The following SPTLC2 variants were observed in gnomAD, a reference collection of about 807,000 sequenced individuals.
SPTLC2 encodes serine palmitoyltransferase long chain base subunit 2, also known as serine palmitoyltransferase 2.
SPTLC2 carries 21 observed loss-of-function variants against 62.0 expected under a neutral mutation model. That is an observed-to-expected ratio of 0.34 (90% CI 0.24 to 0.49). SPTLC2 has a LOEUF of 0.49. Among genes scored for constraint, SPTLC2 ranks in the 20% least tolerant of loss-of-function variants. The pLI, the probability that SPTLC2 is intolerant of heterozygous loss-of-function variation, is 0.99. For synonymous variants in SPTLC2, 261 were observed against 261.8 expected (o/e 1.00, Z 0.03); for missense variants, 511 against 713.0 (o/e 0.72, Z 3.23).
intron 2 of SPTLC2, among the ~76,000 whole-genome samples, chr14:77,591,670 G>C (rs960371368): frequency 1.3e-5 from 2 of 148,418 alleles, no homozygotes; most frequent in African/African-American, 2.5e-5. Flanking sequence ...AGATGATTCT[G>C]GGGGAGCTAA....
chr14:77,574,213 A>C (rs942798971), intron 4 of SPTLC2, among the ~76,000 whole-genome samples: 2 of 152,022 alleles, frequency 1.3e-5, no homozygotes, highest in African/African-American at 4.8e-5. Flanking sequence ...GAAGAAGGTC[A>C]TATCTATGCC....
At chr14:77,578,230 A>C (rs2079727907) in intron 3 of SPTLC2, among the ~76,000 whole-genome samples, 1 of 152,200 alleles carries the variant, frequency 6.6e-6, no homozygotes, top group African/African-American at 2.4e-5. Context: ...TGTAAGTAAA[A>C]ACACTCTACA....
intron 1 of SPTLC2, among the ~76,000 whole-genome samples, chr14:77,599,489 G>A (rs1294871405): frequency 6.6e-6 from 1 of 152,214 alleles, no homozygotes; most frequent in Non-Finnish European, 1.5e-5. Flanking sequence ...TTGGAAAGCT[G>A]CTTCAGTGTT....
intron 2 of SPTLC2, among the ~76,000 whole-genome samples, chr14:77,580,923 C>G (rs1025579179): frequency 4.6e-5 from 7 of 152,204 alleles, no homozygotes; most frequent in African/African-American, 1.7e-4. Flanking sequence ...AGGAACTTAA[C>G]CCTTCCTCTG....
chr14:77,552,695 A>T (rs1244113057), intron 8 of SPTLC2, among the ~76,000 whole-genome samples: 2 of 151,808 alleles, frequency 1.3e-5, no homozygotes, highest in African/African-American at 4.8e-5. Flanking sequence ...AATCCCAGCT[A>T]CTTGGGAGGC....
At chr14:77,580,554 GA>G (rs11322822) in intron 2 of SPTLC2, among the ~76,000 whole-genome samples, 30,608 of 129,086 alleles carry the variant, frequency 0.24, 3,460 homozygotes, top group East Asian at 0.56. Flanking sequence ...TTTTAAAAAA[GA>G]AAAAAAAAAA....
intron 1 of SPTLC2, among the ~76,000 whole-genome samples, chr14:77,597,728 C>T (rs111790398): frequency 4.0e-5 from 6 of 150,392 alleles, no homozygotes; most frequent in African/African-American, 1.5e-4. Flanking sequence ...AAGCCAAGAT[C>T]ACGCCACTGC....
At chr14:77,615,060 T>G (rs535918391) in intron 1 of SPTLC2, among the ~76,000 whole-genome samples, 70 of 152,288 alleles carry the variant, frequency 4.6e-4, no homozygotes, top group African/African-American at 1.7e-3. Context: ...CCCGTTAAAT[T>G]TCCCTATTAC....
chr14:77,585,347 C>G (rs1298463894), intron 2 of SPTLC2, among the ~76,000 whole-genome samples: 1 of 152,168 alleles, frequency 6.6e-6, no homozygotes, highest in Non-Finnish European at 1.5e-5. Context: ...AATGCAGTGA[C>G]AAAGCCAAAA....
At chr14:77,561,427 C>G (rs906986938) in intron 6 of SPTLC2, among the ~76,000 whole-genome samples, 8 of 152,072 alleles carry the variant, frequency 5.3e-5, no homozygotes, top group African/African-American at 1.9e-4. Flanking sequence ...CTGGCCAACA[C>G]AGTGAAACTC....
At chr14:77,519,837 AT>A (rs2079377358) in intron 10 of SPTLC2, among the ~76,000 whole-genome samples, 1 of 151,940 alleles carries the variant, frequency 6.6e-6, no homozygotes, top group Non-Finnish European at 1.5e-5. Context: ...TCTTCAGCAC[AT>A]GCTCCCAAAC....
intron 9 of SPTLC2, among the ~76,000 whole-genome samples, chr14:77,525,757 A>G (rs568077823): frequency 6.6e-6 from 1 of 151,980 alleles, no homozygotes; most frequent in East Asian, 1.9e-4. Flanking sequence ...AAAAATGCAA[A>G]AACAAAATTA....
intron 4 of SPTLC2, among the ~76,000 whole-genome samples, chr14:77,575,862 A>G (rs2079712823): frequency 6.6e-6 from 1 of 152,198 alleles, no homozygotes; most frequent in Non-Finnish European, 1.5e-5. Flanking sequence ...TGCTTGCTCT[A>G]GAGGCCTGCA....
At chr14:77,614,603 G>A (rs1316864307) in intron 1 of SPTLC2, among the ~76,000 whole-genome samples, 18 of 151,668 alleles carry the variant, frequency 1.2e-4, no homozygotes, top group Admixed American at 9.2e-4. Context: ...GGTAGAGCTT[G>A]CAGTGAGCCG....
chr14:77,543,965 A>G (rs1313135585), intron 9 of SPTLC2, among the ~76,000 whole-genome samples: 1 of 152,136 alleles, frequency 6.6e-6, no homozygotes, highest in Non-Finnish European at 1.5e-5. Flanking sequence ...CAATCAGTAG[A>G]GCTGCTTTGG....
intron 9 of SPTLC2, among the ~76,000 whole-genome samples, chr14:77,544,698 C>G (rs12883503): frequency 0.23 from 34,968 of 152,100 alleles, 4,788 homozygotes; most frequent in East Asian, 0.56. Context: ...CTCCTTTGAC[C>G]AAACTTGAGT....
At chr14:77,553,456 G>T (rs536444837) in intron 8 of SPTLC2, among the ~76,000 whole-genome samples, 20 of 152,226 alleles carry the variant, frequency 1.3e-4, no homozygotes, top group Non-Finnish European at 2.4e-4. Flanking sequence ...ACCTGGCCAG[G>T]TGCAGTGGCT....
At chr14:77,575,905 C>T (rs2079713045) in intron 4 of SPTLC2, among the ~76,000 whole-genome samples, 1 of 152,172 alleles carries the variant, frequency 6.6e-6, no homozygotes, top group Non-Finnish European at 1.5e-5. Flanking sequence ...CCAAGACCAC[C>T]ATGGTATGAA....
At chr14:77,529,620 CTTTTTTT>C (rs71452856) in intron 9 of SPTLC2, among the ~76,000 whole-genome samples, 3 of 76,048 alleles carry the variant, frequency 3.9e-5, no homozygotes, top group Non-Finnish European at 5.4e-5. Context: ...TTCTTTCTTT[CTTTTTTT>C]TTTTTTTTTT....
Sources: gnomAD v4.1 joint callset for allele counts (sites outside exome capture counted in the v4.1 genomes callset) on GRCh38, gnomAD v4.1.1 for gene constraint, MANE v1.5 for transcripts, NCBI Gene and HGNC (gene_info 2026-07-23, HGNC 2026-07-21) for gene names.